Variants in TNKS observed in about 807,000 individuals in gnomAD.
TNKS encodes the protein tankyrase, also known as poly [ADP-ribose] polymerase tankyrase-1.
TNKS carries 72 observed loss-of-function variants against 135.8 expected under a neutral mutation model. The ratio of observed to expected loss-of-function variants is 0.53; its 90% CI spans 0.44 to 0.64. The LOEUF (loss-of-function observed/expected upper bound fraction) is 0.64. Ranked by LOEUF, TNKS falls within the 30% of genes least tolerant of loss-of-function variation. The pLI is 0.00. For missense variants in TNKS, 1,769 were observed against 1,674.0 expected (o/e 1.06, Z -0.99); for synonymous variants, 849 against 649.3 (o/e 1.31, Z -4.68).
In TNKS at chr8:9,763,173, T is replaced by C. The variant is rs764654135; in HGVS notation, c.3301T>C (p.Cys1101Arg). The C allele has an allele frequency of 1.0e-5, 16 of 1,599,576 alleles. No homozygotes were observed. Among genetic ancestry groups the C allele is most frequent in the Non-Finnish European group, 1.4e-5 (16 of 1,171,656 alleles). The change falls in exon 22 of 27, where the codon TGT becomes CGT. Residue 1101 changes from cysteine (C) to arginine (R), a missense_variant. Physicochemically the swap from Cys to Arg is radical, Grantham distance 180. This residue lies in a region of TNKS where 722 missense variants were observed against 688.9 expected (regional missense o/e 1.05). Transcript: ENST00000310430. ...QGTNPYLTFH[C>R]VNQGTILLDL... ...CACCAATCCTTATTTGACTTTTCACTGTGTTAATCAGGGAACGATTTTGCT... is the reference window on the plus strand; with the variant it reads ...CACCAATCCTTATTTGACTTTTCACCGTGTTAATCAGGGAACGATTTTGCT...
In TNKS at chr8:9,733,413, G is replaced by A; in HGVS notation, c.2282G>A (p.Gly761Glu). Residue 761 changes from glycine to glutamate, a missense_variant, in exon 15 of 27, where the codon GGA becomes GAA. Physicochemically the swap from Gly to Glu is moderately conservative, Grantham distance 98 (BLOSUM62 -2). This residue lies in a region of TNKS where 69 missense variants were observed against 120.3 expected (regional missense o/e 0.57). Transcript: ENST00000310430. The part of the protein sequence containing the change: ...FTPLHEAAAK[G>E]KYEICKLLLK... Reference sequence around the variant, plus strand: ...CCTCTCCATGAAGCAGCAGCTAAAGGAAAGTATGAAATCTGCAAGCTCCTT... The same window carrying A: ...CCTCTCCATGAAGCAGCAGCTAAAGAAAAGTATGAAATCTGCAAGCTCCTT... 1.2e-6 allele frequency: 2 copies of A among 1,613,606 alleles called. No individual in the cohort carries two copies. The highest frequency in any genetic ancestry group is 1.7e-6 in the Non-Finnish European group (2 of 1,179,770).
At chr8:9,705,095 A>AT (rs2128807466) in intron 6 of TNKS, among the ~76,000 whole-genome samples, 1 of 152,338 alleles carries the variant, frequency 6.6e-6, no homozygotes, top group Admixed American at 6.5e-5. Flanking sequence ...TAGCTATCAG[A>AT]TTCAACAGAT....
At chr8:9,592,234 C>T (rs1477043384) in intron 2 of TNKS, among the ~76,000 whole-genome samples, 1 of 152,120 alleles carries the variant, frequency 6.6e-6, no homozygotes, top group Non-Finnish European at 1.5e-5. Context: ...CTTATTAATT[C>T]CCAATACTTA....
chr8:9,626,952 T>G (rs1470850412), intron 3 of TNKS, among the ~76,000 whole-genome samples: 2 of 152,196 alleles, frequency 1.3e-5, no homozygotes, highest in East Asian at 3.8e-4. Flanking sequence ...TGCCTGGCAG[T>G]CTCCAGGTAG....
chr8:9,729,326 G>A (rs930970548), intron 13 of TNKS, among the ~76,000 whole-genome samples: 1 of 152,184 alleles, frequency 6.6e-6, no homozygotes, highest in Non-Finnish European at 1.5e-5. Flanking sequence ...TCTATCAGTA[G>A]AAATTTTTCA....
At chr8:9,672,643 C>T (rs1802329584) in intron 3 of TNKS, among the ~76,000 whole-genome samples, 1 of 121,338 alleles carries the variant, frequency 8.2e-6, no homozygotes, top group Non-Finnish European at 1.6e-5. Context: ...ATGCAGCAGA[C>T]ACTGTGATGG....
chr8:9,710,405 C>T (rs1445199854), intron 11 of TNKS, 185 bp downstream of exon 11: 1 of 621,872 alleles, frequency 1.6e-6, no homozygotes, highest in Admixed American at 2.9e-5. Flanking sequence ...AAATAATTAC[C>T]CGTGTTTCTT....
intron 12 of TNKS, among the ~76,000 whole-genome samples, chr8:9,723,890 C>T (rs6983762): frequency 0.7 from 106,522 of 151,960 alleles, 37,867 homozygotes; most frequent in Admixed American, 0.8. Flanking sequence ...GCATTACTTT[C>T]ATCTACACAG....
Position 9,781,885 on chromosome 8 carries a change from T to C in TNKS, c.*5149T>C, listed in dbSNP as rs550397038. 2 of 152,750 alleles carry C rather than the reference T, an allele frequency of 1.3e-5. No homozygotes were observed. The highest frequency in any genetic ancestry group is 1.9e-4 in the East Asian group (1 of 5,184). 9.5% of individuals were successfully genotyped at this position (152,750 alleles called of 1,614,324 possible). On this transcript the variant is annotated 3_prime_UTR_variant, in exon 27 of 27. Coordinates refer to ENST00000310430, the MANE Select transcript of TNKS (RefSeq NM_003747.3). ...CCCCCTCTCCTTTCTTTTTTGTATTTATCTATTTGTAGGATTGTCAGATCA... is the reference window on the plus strand; with the variant it reads ...CCCCCTCTCCTTTCTTTTTTGTATTCATCTATTTGTAGGATTGTCAGATCA...
chr8:9,675,663 G>T (rs957166767), intron 3 of TNKS, among the ~76,000 whole-genome samples: 3 of 152,174 alleles, frequency 2.0e-5, no homozygotes, highest in Non-Finnish European at 2.9e-5. Context: ...GCTAATAATT[G>T]TCATTATTTT....
intron 17 of TNKS, chr8:9,741,710 A>T (rs371711424): frequency 3.8e-5 from 20 of 529,994 alleles, no homozygotes; most frequent in African/African-American, 3.3e-4. Flanking sequence ...GACCACTGTG[A>T]AGACAGTAAA....
At chr8:9,625,762 C>A (rs951274758) in intron 3 of TNKS, among the ~76,000 whole-genome samples, 4 of 152,028 alleles carry the variant, frequency 2.6e-5, no homozygotes, top group African/African-American at 9.7e-5. Flanking sequence ...TGTATGATTT[C>A]AATTTTTTTG....
intron 1 of TNKS, among the ~76,000 whole-genome samples, chr8:9,572,007 C>T (rs1007339022): frequency 6.6e-6 from 1 of 152,064 alleles, no homozygotes; most frequent in Admixed American, 6.5e-5. Context: ...CTTTGTAACC[C>T]TATATTGTAA....
At chr8:9,708,345 T>C (rs1488555917) in intron 8 of TNKS, 26 bp from the exon 9 acceptor site, 1 of 1,519,570 alleles carries the variant, frequency 6.6e-7, no homozygotes, top group South Asian at 1.3e-5. Context: ...CATCTTTTTT[T>C]ATGTCAACCA....
chr8:9,648,731 T>G (rs1214742196), intron 3 of TNKS, among the ~76,000 whole-genome samples: 1 of 152,210 alleles, frequency 6.6e-6, no homozygotes, highest in Non-Finnish European at 1.5e-5. Context: ...ATGGGACTAC[T>G]GTTGTATATG....
chr8:9,628,672 G>A (rs182866569), intron 3 of TNKS, among the ~76,000 whole-genome samples: 1 of 152,112 alleles, frequency 6.6e-6, no homozygotes, highest in East Asian at 1.9e-4. Context: ...CATTTTAAAT[G>A]GCATCTATGT....
chr8:9,618,313 T>G (rs1479466106), intron 3 of TNKS, among the ~76,000 whole-genome samples: 1 of 152,174 alleles, frequency 6.6e-6, no homozygotes, highest in Non-Finnish European at 1.5e-5. Context: ...TGTTTTTTAA[T>G]AAAGCTATAC....
chr8:9,760,773 T>C (rs1807110943), intron 20 of TNKS, among the ~76,000 whole-genome samples: 1 of 152,184 alleles, frequency 6.6e-6, no homozygotes. Flanking sequence ...ATCTCCATTT[T>C]ACAAGGATGA....
intron 2 of TNKS, among the ~76,000 whole-genome samples, chr8:9,598,791 A>G (rs868845192): frequency 0.048 from 4,065 of 84,398 alleles, 438 homozygotes; most frequent in African/African-American, 0.17. Context: ...ATATATATAT[A>G]TATATATATA....
Sources: gnomAD v4.1 joint callset for allele counts (sites outside exome capture counted in the v4.1 genomes callset) on GRCh38, gnomAD v4.1.1 for gene constraint, gnomAD v4.1.1 regional missense constraint, MANE v1.5 for transcripts, NCBI Gene and HGNC (gene_info 2026-07-23, HGNC 2026-07-21) for gene names.